Variants in LRP12 observed in about 807,000 individuals in gnomAD.
The protein encoded by LRP12 is LDL receptor related protein 12.
A neutral mutation model predicts 66.0 loss-of-function variants in LRP12; 14 were observed. The ratio of observed to expected loss-of-function variants is 0.21; its 90% confidence interval spans 0.14 to 0.33. The LOEUF is 0.33. Ranked by LOEUF, LRP12 falls within the 10% of genes least tolerant of loss-of-function variation. The pLI, the probability that LRP12 is intolerant of heterozygous loss-of-function variation, is 1.00. For synonymous variants in LRP12, 357 were observed against 359.1 expected (o/e 0.99, Z 0.07); for missense variants, 889 against 1,053.4 (o/e 0.84, Z 2.16).
intron 1 of LRP12, chr8:104,566,087 T>C (rs1007742298): frequency 2.4e-5 from 6 of 247,026 alleles, no homozygotes; most frequent in Admixed American, 5.6e-5. Flanking sequence ...GGCACTGTCA[T>C]AGTGGGTGTG....
chr8:104,559,324 G>A (rs1811865537), intron 1 of LRP12, among the ~76,000 whole-genome samples: 1 of 152,102 alleles, frequency 6.6e-6, no homozygotes, highest in African/African-American at 2.4e-5. Flanking sequence ...TGGAATTAGA[G>A]ACCATTATTC....
At chr8:104,540,539 G>T (rs1811460403) in intron 1 of LRP12, among the ~76,000 whole-genome samples, 1 of 152,076 alleles carries the variant, frequency 6.6e-6, no homozygotes, top group Non-Finnish European at 1.5e-5. Flanking sequence ...TGAAATCCCT[G>T]AGAAATAAGA....
Position 104,526,050 on chromosome 8 carries a change from G to C in LRP12, c.136+5857C>G, listed in dbSNP as rs556243907. Among the ~76,000 whole-genome samples, 174 of 152,202 alleles carry C rather than the reference G, an allele frequency of 1.1e-3. 5 individuals carry two copies. The South Asian group carries it at 0.023, about 20-fold the overall frequency. On this transcript the variant is annotated intron_variant, in intron 2 of 6. Transcript: ENST00000276654. Reference sequence around the variant, plus strand: ...TATACACCAATAACAGACAAACAGAGAGCCAAATCATGAGCGAACTCCCAT... The same window carrying C: ...TATACACCAATAACAGACAAACAGACAGCCAAATCATGAGCGAACTCCCAT...
chr8:104,583,008 T>C (rs1449130240), intron 1 of LRP12, among the ~76,000 whole-genome samples: 2 of 151,924 alleles, frequency 1.3e-5, no homozygotes, highest in Non-Finnish European at 2.9e-5. Flanking sequence ...AGAGGAAAAA[T>C]CCCCTTATCT....
intron 1 of LRP12, among the ~76,000 whole-genome samples, chr8:104,569,885 G>A (rs1364334500): frequency 6.6e-6 from 1 of 152,042 alleles, no homozygotes; most frequent in Admixed American, 6.5e-5. Flanking sequence ...CATATTCACA[G>A]AAGACATAAT....
At chr8:104,548,767 A>G (rs1811680748) in intron 1 of LRP12, among the ~76,000 whole-genome samples, 1 of 147,968 alleles carries the variant, frequency 6.8e-6, no homozygotes, top group Admixed American at 6.8e-5. Context: ...CAACATGGAG[A>G]AACCCCGTCT....
chr8:104,559,787 A>C (rs1811874572), intron 1 of LRP12, among the ~76,000 whole-genome samples: 1 of 151,978 alleles, frequency 6.6e-6, no homozygotes, highest in Non-Finnish European at 1.5e-5. Context: ...TTTGATATTC[A>C]AAAAAAGTTT....
At chr8:104,588,460 A>T (rs1056485752) in intron 1 of LRP12, among the ~76,000 whole-genome samples, 1 of 152,128 alleles carries the variant, frequency 6.6e-6, no homozygotes, top group Non-Finnish European at 1.5e-5. Flanking sequence ...GCTTTCTCAC[A>T]GTCAAGCATC....
intron 1 of LRP12, among the ~76,000 whole-genome samples, chr8:104,546,450 A>G (rs572095712): frequency 1.3e-5 from 2 of 152,294 alleles, no homozygotes; most frequent in African/African-American, 4.8e-5. Flanking sequence ...CACAGTCAAC[A>G]TTTAATAAAC....
intron 2 of LRP12, among the ~76,000 whole-genome samples, chr8:104,513,416 C>A (rs1020890559): frequency 6.6e-6 from 1 of 152,148 alleles, no homozygotes; most frequent in Non-Finnish European, 1.5e-5. Flanking sequence ...GCACCTCTTC[C>A]CACTATATTT....
At chr8:104,548,155 A>ATGATAT (rs1357316638) in intron 1 of LRP12, among the ~76,000 whole-genome samples, 752 of 74,368 alleles carry the variant, frequency 0.01, 19 homozygotes, top group African/African-American at 0.045. Flanking sequence ...ATTATATATT[A>ATGATAT]ATAATTATTA....
intron 1 of LRP12, among the ~76,000 whole-genome samples, chr8:104,580,570 T>G (rs112569099): frequency 0.024 from 3,633 of 151,310 alleles, 107 homozygotes; most frequent in African/African-American, 0.066. Flanking sequence ...TTAATCTAAA[T>G]CTATAAAGAA....
intron 2 of LRP12, among the ~76,000 whole-genome samples, chr8:104,515,810 T>C (rs898236026): frequency 3.3e-5 from 5 of 152,224 alleles, no homozygotes; most frequent in African/African-American, 1.2e-4. Context: ...AAAAGGTATG[T>C]AGTTGTAAGT....
intron 3 of LRP12, 177 bp downstream of exon 3, chr8:104,508,762 C>G (rs1489055143): frequency 1.9e-6 from 1 of 532,700 alleles, no homozygotes; most frequent in East Asian, 2.9e-5. Context: ...ACTCAAAACA[C>G]ATACCAGATG....
intron 6 of LRP12, among the ~76,000 whole-genome samples, chr8:104,492,272 G>C (rs1474763669): frequency 6.6e-6 from 1 of 152,050 alleles, no homozygotes; most frequent in African/African-American, 2.4e-5. Flanking sequence ...ATCATTCTTT[G>C]AAAACTAGTT....
chr8:104,512,803 C>A, intron 2 of LRP12, among the ~76,000 whole-genome samples: 1 of 152,012 alleles, frequency 6.6e-6, no homozygotes, highest in Non-Finnish European at 1.5e-5. Flanking sequence ...ATTTTATTTT[C>A]ATGCAACGGC....
intron 2 of LRP12, among the ~76,000 whole-genome samples, chr8:104,526,686 A>G (rs905486658): frequency 6.8e-6 from 1 of 146,132 alleles, no homozygotes; most frequent in African/African-American, 2.6e-5. Context: ...TCAATTCAAG[A>G]TGGATTAAAG....
chr8:104,578,286 A>G (rs1322876730), intron 1 of LRP12, among the ~76,000 whole-genome samples: 1 of 152,182 alleles, frequency 6.6e-6, no homozygotes, highest in Non-Finnish European at 1.5e-5. Flanking sequence ...AACTAGAAAA[A>G]TCTAGAAGAA....
At position 104,588,978 on chromosome 8, in the gene LRP12, G is replaced by GCCGCCT; in HGVS notation, c.-82_-81insAGGCGG. On this transcript the variant is annotated 5_prime_UTR_variant, in exon 1 of 7. Coordinates refer to ENST00000276654, the MANE Select transcript of LRP12 (RefSeq NM_013437.5). The stretch of plus-strand genomic sequence containing the variant: ...GGAGGTAGACGACGCCGACGCCGCC[G>GCCGCCT]CCGCCGCCGCCGCCGCCGCCGAGCC... The GCCGCCT allele has an allele frequency of 1.4e-6, 1 of 719,780 alleles. No individual in the cohort carries two copies. The highest frequency in any genetic ancestry group is 2.2e-6 in the Non-Finnish European group (1 of 464,482). 44.6% of individuals were successfully genotyped at this position (719,780 alleles called of 1,614,324 possible). A position where few individuals can be genotyped will look rare whatever the true frequency, so the allele number is the denominator to read the frequency against.
Sources: allele counts gnomAD v4.1 joint callset (sites outside exome capture counted in the v4.1 genomes callset), GRCh38; gene constraint gnomAD v4.1.1; transcripts MANE v1.5; gene names NCBI Gene and HGNC (gene_info 2026-07-23, HGNC 2026-07-21).